CASR: variants seen among roughly 807,000 people sequenced by gnomAD.
CASR encodes extracellular calcium-sensing receptor.
CASR carries 23 observed loss-of-function variants against 69.1 expected under a neutral mutation model. The observed-to-expected ratio is 0.33, with a 90% CI of 0.24 to 0.47. CASR has a LOEUF of 0.47. Among genes scored for constraint, CASR ranks in the 20% least tolerant of loss-of-function variants. The probability of loss-of-function intolerance (pLI) is 1.00; values close to 1 mark genes in which losing one functional copy is unlikely to be tolerated. For synonymous variants in CASR, 541 were observed against 544.7 expected, an observed-to-expected ratio of 0.99 and a Z score of 0.10; for missense variants, 924 against 1,356.1, an observed-to-expected ratio of 0.68 and a Z score of 5.00.
chr3:122,264,952 G>C (rs1257467216), intron 4 of CASR, among the ~76,000 whole-genome samples: 1 of 152,122 alleles, frequency 6.6e-6, no homozygotes, highest in Non-Finnish European at 1.5e-5. Context: ...CCTTCTCTCA[G>C]TTCTTCCCCT....
At chr3:122,248,779 T>G (rs1283959952) in intron 1 of CASR, among the ~76,000 whole-genome samples, 1 of 152,176 alleles carries the variant, frequency 6.6e-6, no homozygotes, top group Non-Finnish European at 1.5e-5. Flanking sequence ...CCAGAAATGT[T>G]GAGGCCAAGA....
chr3:122,193,654 A>G (rs373439495), intron 1 of CASR, among the ~76,000 whole-genome samples: 3 of 152,250 alleles, frequency 2.0e-5, no homozygotes, highest in African/African-American at 7.2e-5. Context: ...AGATTAGTTC[A>G]AAATACATAT....
intron 1 of CASR, among the ~76,000 whole-genome samples, chr3:122,237,948 T>G (rs1240150927): frequency 6.6e-6 from 1 of 152,174 alleles, no homozygotes; most frequent in African/African-American, 2.4e-5. Flanking sequence ...TCAACATACA[T>G]TCACAAAAAG....
At chr3:122,229,102 A>T (rs1464685204) in intron 1 of CASR, among the ~76,000 whole-genome samples, 2 of 152,246 alleles carry the variant, frequency 1.3e-5, no homozygotes, top group African/African-American at 4.8e-5. Flanking sequence ...AAACTCCCTG[A>T]TTAAACTTAA....
At position 122,284,528 on chromosome 3, in the gene CASR, C is replaced by G; in HGVS notation, c.2574C>G (p.Tyr858Ter). 1 of 1,613,780 alleles carries G rather than the reference C, an allele frequency of 6.2e-7. No homozygotes were observed. The highest frequency in any genetic ancestry group is 8.5e-7 in the Non-Finnish European group (1 of 1,180,034). The change falls in exon 7 of 7, where the codon TAC becomes TAG. Residue 858 changes from tyrosine to a stop codon, truncating the protein, a stop_gained. Transcript: ENST00000639785. LOFTEE classifies it high-confidence loss of function. ...LLACIFFNKI[Y>*]IILFKPSRNT... is the part of the protein sequence containing the mutation. ...CGTGCATCTTCTTCAACAAGATCTA[C>G]ATCATTCTCTTCAAGCCATCCCGCA...
intron 1 of CASR, among the ~76,000 whole-genome samples, chr3:122,216,023 C>T (rs2074114383): frequency 6.6e-6 from 1 of 152,206 alleles, no homozygotes; most frequent in Non-Finnish European, 1.5e-5. Context: ...TTCATAATGT[C>T]CACTTTTCAC....
At chr3:122,257,759 T>C (rs956208229) in intron 3 of CASR, 1 of 179,276 alleles carries the variant, frequency 5.6e-6, no homozygotes. Context: ...ATCCAAAATA[T>C]CTGTCCCGAA....
At chr3:122,256,870 C>T (rs1267495362) in intron 2 of CASR, among the ~76,000 whole-genome samples, 1 of 152,244 alleles carries the variant, frequency 6.6e-6, no homozygotes, top group Non-Finnish European at 1.5e-5. Context: ...ATCCACCCGC[C>T]TCGGCCTCCC....
chr3:122,184,419 G>A (rs9883981), intron 1 of CASR: 29,681 of 152,446 alleles, frequency 0.19, 3,835 homozygotes, highest in Admixed American at 0.39. Flanking sequence ...CTTGGCATAG[G>A]GAGCGGGGCT....
chr3:122,261,306 G>C (rs191797312), intron 3 of CASR, among the ~76,000 whole-genome samples: 1 of 152,372 alleles, frequency 6.6e-6, no homozygotes, highest in African/African-American at 2.4e-5. Context: ...TGGGAATTGG[G>C]ATGCTCCCTC....
chr3:122,272,649 A>T (rs1457301959), intron 4 of CASR, among the ~76,000 whole-genome samples: 1 of 152,186 alleles, frequency 6.6e-6, no homozygotes, highest in Non-Finnish European at 1.5e-5. Context: ...TTGAATATTT[A>T]TGTCGTGCAT....
chr3:122,236,211 G>T (rs995872148), intron 1 of CASR, among the ~76,000 whole-genome samples: 2 of 152,208 alleles, frequency 1.3e-5, no homozygotes, highest in Non-Finnish European at 2.9e-5. Flanking sequence ...CAAAGTCAGG[G>T]TTAGAAACAT....
rs6769706 is a variant in CASR, at chr3:122,262,772, T to C, written c.1377+360T>C. On this transcript the variant is annotated intron_variant, in intron 4 of 6. Transcript: ENST00000639785. ...TTCCCTTGTGAGTAAGAAGTATTTT[T>C]TGAGTACCTATTACATTCCATATAC... Among the ~76,000 whole-genome samples, 8 of 152,158 alleles carry C rather than the reference T, an allele frequency of 5.3e-5. No individual in the cohort carries two copies. In the East Asian group the frequency reaches 1.2e-3, roughly 22 times the overall value.
In CASR at chr3:122,291,216, A is replaced by G. The variant is rs1413661033; in HGVS notation, c.*6025A>G. 2.6e-5 allele frequency: 4 copies of G among 151,652 alleles called. No individual in the cohort carries two copies. The highest frequency in any genetic ancestry group is 5.9e-5 in the Non-Finnish European group (4 of 67,944). The allele number at this position is 151,652 out of a possible 1,614,324, so 9.4% of individuals were successfully genotyped here. A position where few individuals can be genotyped will look rare whatever the true frequency, so the allele number is the denominator to read the frequency against. ...TGTGTGCATGTGTCTTTATAGCAGC[A>G]TGATTTCTAATCCTTTGGGTATATA... On this transcript the variant is annotated 3_prime_UTR_variant, in exon 7 of 7. Transcript: ENST00000639785.
intron 2 of CASR, among the ~76,000 whole-genome samples, chr3:122,254,868 T>G (rs959819619): frequency 6.6e-6 from 1 of 152,108 alleles, no homozygotes; most frequent in South Asian, 2.1e-4. Context: ...CCCAGGCATC[T>G]TCAAACTGTA....
intron 1 of CASR, among the ~76,000 whole-genome samples, chr3:122,205,359 G>A (rs557104614): frequency 5.3e-5 from 8 of 152,054 alleles, no homozygotes; most frequent in Admixed American, 1.3e-4. Context: ...TATGTTTGTG[G>A]CACCTTTATC....
intron 2 of CASR, 110 bp downstream of exon 2, chr3:122,254,484 A>G: frequency 9.1e-7 from 1 of 1,099,494 alleles, no homozygotes; most frequent in Non-Finnish European, 1.4e-6. Context: ...TTTCAAGAAT[A>G]GTGATTGATT....
chr3:122,245,297 T>C (rs1338193991), intron 1 of CASR: 2 of 152,198 alleles, frequency 1.3e-5, no homozygotes, highest in Non-Finnish European at 2.9e-5. Context: ...ATATTTTCAA[T>C]CTGAAGTTGA....
rs764149433 is a variant in CASR, at chr3:122,261,548, C to A, written c.513C>A (p.Ser171Arg). Residue 171 changes from serine to arginine, a missense_variant, in exon 4 of 7, where the codon AGC becomes AGA. Transcript: ENST00000639785. The part of the protein sequence containing the change: ...YIPQVSYASS[S>R]RLLSNKNQFK... ...TCCAGGTCAGTTATGCCTCCTCCAG[C>A]AGACTCCTCAGCAACAAGAATCAAT... The A allele has an allele frequency of 6.2e-7, 1 of 1,614,192 alleles. No homozygotes were observed. The highest frequency in any genetic ancestry group is 1.7e-5 in the Admixed American group (1 of 60,032).
Sources: gnomAD v4.1 joint callset for allele counts (sites outside exome capture counted in the v4.1 genomes callset) on GRCh38, gnomAD v4.1.1 for gene constraint, MANE v1.5 for transcripts, NCBI Gene and HGNC (gene_info 2026-07-23, HGNC 2026-07-21) for gene names.